Variants in NEK1 observed in about 807,000 individuals in gnomAD.
NEK1 encodes the protein serine/threonine-protein kinase Nek1.
A neutral mutation model predicts 182.1 loss-of-function variants in NEK1; 137 were observed. That is an observed-to-expected ratio of 0.75 (90% confidence interval 0.65 to 0.87). The LOEUF (loss-of-function observed/expected upper bound fraction) is 0.87. Ranked by LOEUF, NEK1 falls within the 40% of genes least tolerant of loss-of-function variation. NEK1 has a pLI of 0.00. For missense variants in NEK1, 1,391 were observed against 1,494.4 expected (o/e 0.93, Z 1.14); for synonymous variants, 513 against 492.2 (o/e 1.04, Z -0.56).
intron 27 of NEK1, among the ~76,000 whole-genome samples, chr4:169,456,440 A>G (rs557312745): frequency 6.6e-6 from 1 of 152,276 alleles, no homozygotes; most frequent in Admixed American, 6.5e-5. Context: ...TTTTGAAAAG[A>G]TGAACAAAAT....
At chr4:169,462,481 CAT>C (rs1744147925) in intron 27 of NEK1, among the ~76,000 whole-genome samples, 1 of 152,092 alleles carries the variant, frequency 6.6e-6, no homozygotes, top group Non-Finnish European at 1.5e-5. Flanking sequence ...ATTTCAGTAA[CAT>C]GTGTATAGGT....
rs550647479 is a variant in NEK1 at position 169,581,569 on chromosome 4, G to A, written c.808-667C>T. Among the ~76,000 whole-genome samples the A allele has an allele frequency of 1.2e-4, 18 of 152,264 alleles. No individual in the cohort carries two copies. In the East Asian group the frequency reaches 2.3e-3, roughly 20 times the overall value. On this transcript the variant is annotated intron_variant, in intron 10 of 35. Transcript: ENST00000507142. ...CAAAGTCCTGGGATTAAAGGTATGTGCCACCGTGCCCAGCACTAATTTATT... is the reference window on the plus strand; with the variant it reads ...CAAAGTCCTGGGATTAAAGGTATGTACCACCGTGCCCAGCACTAATTTATT...
chr4:169,559,938 G>A (rs920285289), intron 16 of NEK1, among the ~76,000 whole-genome samples: 1 of 152,134 alleles, frequency 6.6e-6, no homozygotes, highest in Admixed American at 6.5e-5. Flanking sequence ...GAACCCGGGA[G>A]GCAGAGGTTG....
intron 4 of NEK1, among the ~76,000 whole-genome samples, chr4:169,601,282 T>A (rs1337546236): frequency 6.6e-6 from 1 of 152,240 alleles, no homozygotes; most frequent in East Asian, 1.9e-4. Context: ...TCAATTATCT[T>A]CTACTTTCAA....
chr4:169,584,713 AC>A (rs1274657640), intron 10 of NEK1, among the ~76,000 whole-genome samples: 17 of 152,228 alleles, frequency 1.1e-4, no homozygotes, highest in Admixed American at 1.1e-3. Flanking sequence ...GACATTAAGC[AC>A]TTTATGTGTA....
Position 169,463,537 on chromosome 4 carries a change from G to A in NEK1, c.2435-142C>T, listed in dbSNP as rs180717873. The A allele has an allele frequency of 3.3e-5, 15 of 450,852 alleles. 1 individual carries two copies. The East Asian group carries it at 3.4e-4, about 10-fold the overall frequency. The allele number at this position is 450,852 out of a possible 1,614,324, so 27.9% of individuals were successfully genotyped here. ...TCACAAAGACTTTCAGGGAAAGAATGATGAATAATGGCAAGAACAGAAGCA... is the reference window on the plus strand; with the variant it reads ...TCACAAAGACTTTCAGGGAAAGAATAATGAATAATGGCAAGAACAGAAGCA... On this transcript the variant is annotated intron_variant, in intron 26 of 35. Coordinates refer to ENST00000507142, the MANE Select transcript of NEK1 (RefSeq NM_001199397.3).
chr4:169,461,296 A>G (rs1466177690), intron 27 of NEK1, among the ~76,000 whole-genome samples: 1 of 152,112 alleles, frequency 6.6e-6, no homozygotes, highest in Non-Finnish European at 1.5e-5. Flanking sequence ...GAGTTATTTG[A>G]AAAACAATCT....
chr4:169,396,178 C>A (rs1416322594), intron 35 of NEK1, among the ~76,000 whole-genome samples: 1 of 151,558 alleles, frequency 6.6e-6, no homozygotes, highest in Non-Finnish European at 1.5e-5. Flanking sequence ...CCAGCCTGGC[C>A]AACATGGTGA....
At chr4:169,590,962 G>A (rs954287421) in intron 5 of NEK1, among the ~76,000 whole-genome samples, 153 bp from the exon 6 acceptor site, 2 of 152,240 alleles carry the variant, frequency 1.3e-5, no homozygotes, top group East Asian at 3.9e-4. Context: ...AGATATTCAA[G>A]TCAACACAAG....
rs1294467157 is a variant in NEK1 at position 169,612,293 on chromosome 4, C to T, written c.-244G>A. 6.6e-6 allele frequency: 1 copy of T among 152,254 alleles called. No individual in the cohort carries two copies. Among genetic ancestry groups the T allele is most frequent in the South Asian group, 2.1e-4 (1 of 4,838 alleles). The allele number at this position is 152,254 out of a possible 1,614,324, so 9.4% of individuals were successfully genotyped here. On this transcript the variant is annotated 5_prime_UTR_variant, in exon 1 of 36. Transcript: ENST00000507142. ...CTCGGGCGACGCCCGTAAGACAGGT[C>T]GACACTACCCCGACGAAACAAACAA...
chr4:169,564,827 T>G (rs1763430088), intron 12 of NEK1, among the ~76,000 whole-genome samples: 1 of 152,170 alleles, frequency 6.6e-6, no homozygotes, highest in Admixed American at 6.5e-5. Flanking sequence ...ATGATAATAA[T>G]GAGTCTTTTG....
chr4:169,423,265 G>A (rs1735788924), intron 31 of NEK1, among the ~76,000 whole-genome samples: 1 of 152,090 alleles, frequency 6.6e-6, no homozygotes, highest in Non-Finnish European at 1.5e-5. Flanking sequence ...ACCACGCCCA[G>A]CTAATTTTTG....
At chr4:169,542,781 A>C (rs1759681679) in intron 18 of NEK1, among the ~76,000 whole-genome samples, 1 of 150,860 alleles carries the variant, frequency 6.6e-6, no homozygotes, top group South Asian at 2.1e-4. Flanking sequence ...ATGTTTGTTG[A>C]CTGCATAAAT....
chr4:169,524,143 A>G (rs2149762220), intron 19 of NEK1, among the ~76,000 whole-genome samples: 1 of 152,330 alleles, frequency 6.6e-6, no homozygotes, highest in East Asian at 1.9e-4. Flanking sequence ...TACTGTCAGG[A>G]GAATAATTGT....
chr4:169,405,997 C>T (rs959320660), intron 32 of NEK1, among the ~76,000 whole-genome samples: 1 of 151,832 alleles, frequency 6.6e-6, no homozygotes, highest in African/African-American at 2.4e-5. Context: ...ACTCAGGAGG[C>T]TGAGGAGGAG....
At chr4:169,586,092 T>C (rs1032921966) in intron 9 of NEK1, among the ~76,000 whole-genome samples, 14 of 152,048 alleles carry the variant, frequency 9.2e-5, no homozygotes, top group Non-Finnish European at 1.9e-4. Flanking sequence ...AATATCTTAA[T>C]AGGAATATAT....
At chr4:169,544,801 T>C (rs1760102179) in intron 18 of NEK1, among the ~76,000 whole-genome samples, 1 of 151,882 alleles carries the variant, frequency 6.6e-6, no homozygotes, top group South Asian at 2.1e-4. Flanking sequence ...TGATGGTAGT[T>C]TGTATTTCTG....
chr4:169,468,288 G>GA (rs144599540), intron 26 of NEK1, among the ~76,000 whole-genome samples: 6,560 of 151,800 alleles, frequency 0.043, 500 homozygotes, highest in African/African-American at 0.15. Context: ...ATCTAAGGTA[G>GA]AAAAAAAATT....
intron 12 of NEK1, among the ~76,000 whole-genome samples, chr4:169,576,105 T>C (rs1429770843): frequency 6.6e-6 from 1 of 151,880 alleles, no homozygotes; most frequent in Non-Finnish European, 1.5e-5. Flanking sequence ...GCTGGGACTA[T>C]AGGTGTGCGC....
Sources: gnomAD v4.1 joint callset for allele counts (sites outside exome capture counted in the v4.1 genomes callset) on GRCh38, gnomAD v4.1.1 for gene constraint, MANE v1.5 for transcripts, NCBI Gene and HGNC (gene_info 2026-07-23, HGNC 2026-07-21) for gene names.